KLF12: variants seen among roughly 807,000 people sequenced by gnomAD.
KLF12 encodes Krueppel-like factor 12.
In KLF12, 9 loss-of-function variants were observed where a neutral mutation model predicts 37.8. The observed-to-expected ratio is 0.24, with a 90% CI of 0.14 to 0.42. KLF12 has a LOEUF of 0.42. KLF12 is among the 10% of genes least tolerant of loss of function. KLF12 has a pLI of 1.00. For missense variants in KLF12, 411 were observed against 516.0 expected, an observed-to-expected ratio of 0.80 and a Z score of 1.97; for synonymous variants, 208 against 202.1, an observed-to-expected ratio of 1.03 and a Z score of -0.25.
At chr13:73,777,665 G>A (rs376431240) in intron 5 of KLF12, among the ~76,000 whole-genome samples, 11 of 150,936 alleles carry the variant, frequency 7.3e-5, no homozygotes, top group South Asian at 2.1e-4. Flanking sequence ...CCAAGATTGC[G>A]CCATTGCACT....
At position 73,852,805 on chromosome 13, in the gene KLF12, T is replaced by C. The variant is rs117605023; in HGVS notation, c.124-6432A>G. Among the ~76,000 whole-genome samples, 38 of 151,786 alleles carry C rather than the reference T, an allele frequency of 2.5e-4. No homozygotes were observed. In the East Asian group the frequency reaches 7.4e-3, roughly 29 times the overall value. On this transcript the variant is annotated intron_variant, in intron 3 of 7. Transcript: ENST00000377669. ...GCAAAACAAAACAAAACAGAAATGA[T>C]TGATTCCTTAAGAAAATTTGAAGTC...
At chr13:73,749,559 A>G (rs1166616048) in intron 6 of KLF12, among the ~76,000 whole-genome samples, 3 of 152,200 alleles carry the variant, frequency 2.0e-5, no homozygotes, top group Admixed American at 2.0e-4. Flanking sequence ...AAGGAAATAT[A>G]AAAGGGTAAG....
At chr13:74,281,080 G>C in the KLF12 span, among the ~76,000 whole-genome samples, 1 of 151,636 alleles carries the variant, frequency 6.6e-6, no homozygotes. Context: ...ATACTTTGTT[G>C]TATTTTATTT....
rs961871064 is a variant in KLF12 at position 73,950,147 on chromosome 13, T to C, written c.34-6077A>G. Among the ~76,000 whole-genome samples, 8 of 152,194 alleles carry C rather than the reference T, an allele frequency of 5.3e-5. No individual in the cohort carries two copies. In the South Asian group the frequency reaches 6.2e-4, roughly 12 times the overall value. ...ATTATCAGTCTGTTTCCTATGTTGG[T>C]AAAGTGCCAAGCTATCACAACAATG... On this transcript the variant is annotated intron_variant, in intron 2 of 7. Coordinates refer to ENST00000377669, the MANE Select transcript of KLF12 (RefSeq NM_007249.5).
the KLF12 span, among the ~76,000 whole-genome samples, chr13:74,242,851 T>A: frequency 6.6e-6 from 1 of 152,178 alleles, no homozygotes; most frequent in Admixed American, 6.5e-5. Flanking sequence ...GAGCCACGTG[T>A]ACATAGAATT....
chr13:74,143,480 A>G, the KLF12 span, among the ~76,000 whole-genome samples: 1 of 152,182 alleles, frequency 6.6e-6, no homozygotes. Flanking sequence ...AGCATTTACT[A>G]TGTGCCACAC....
intron 6 of KLF12, among the ~76,000 whole-genome samples, chr13:73,719,027 A>G (rs1876027982): frequency 6.6e-6 from 1 of 152,246 alleles, no homozygotes; most frequent in Admixed American, 6.5e-5. Context: ...CTTTCAAATG[A>G]CATTCAATGG....
At chr13:73,926,971 A>T (rs1889417237) in intron 3 of KLF12, among the ~76,000 whole-genome samples, 1 of 152,042 alleles carries the variant, frequency 6.6e-6, no homozygotes, top group Admixed American at 6.6e-5. Flanking sequence ...TATCCCATGA[A>T]TTCTTCCCAA....
At chr13:74,285,847 T>C in the KLF12 span, among the ~76,000 whole-genome samples, 1 of 152,050 alleles carries the variant, frequency 6.6e-6, no homozygotes, top group Non-Finnish European at 1.5e-5. Context: ...CTAAAAGAGG[T>C]ATAAGCATTT....
At chr13:73,790,575 G>A (rs1033541658) in intron 5 of KLF12, among the ~76,000 whole-genome samples, 7 of 152,194 alleles carry the variant, frequency 4.6e-5, no homozygotes, top group African/African-American at 1.7e-4. Context: ...ATAAAGTTAT[G>A]CATATAATTT....
chr13:74,099,985 A>G (rs765903801), intron 1 of KLF12, among the ~76,000 whole-genome samples: 8 of 152,066 alleles, frequency 5.3e-5, no homozygotes, highest in Non-Finnish European at 1.2e-4. Context: ...GCTGATGGGA[A>G]AGAAGGGCAC....
chr13:73,738,092 CATATATATATATATATATAT>C (rs778759106), intron 6 of KLF12, among the ~76,000 whole-genome samples: 13 of 116,694 alleles, frequency 1.1e-4, no homozygotes, highest in Admixed American at 3.8e-4. Flanking sequence ...TGTATGTGTA[CATATATATATATATATATAT>C]ATATATATAT....
At chr13:73,879,485 A>G (rs1454414868) in intron 3 of KLF12, among the ~76,000 whole-genome samples, 1 of 152,254 alleles carries the variant, frequency 6.6e-6, no homozygotes. Context: ...TAACTCTAAG[A>G]AAAGTTAGAC....
upstream of KLF12, among the ~76,000 whole-genome samples, chr13:74,135,891 C>G (rs948801608): frequency 2.6e-5 from 4 of 152,204 alleles, no homozygotes; most frequent in Admixed American, 6.5e-5. Flanking sequence ...GCCAGCTGGG[C>G]TCCCCATCGG....
At chr13:74,007,368 C>T (rs113319799) in intron 1 of KLF12, among the ~76,000 whole-genome samples, 21 of 151,914 alleles carry the variant, frequency 1.4e-4, no homozygotes, top group Non-Finnish European at 7.4e-5. Context: ...CTCCATCCCC[C>T]CCGGGTTCAC....
chr13:73,998,966 T>C (rs1376389614), intron 1 of KLF12, among the ~76,000 whole-genome samples: 2 of 152,206 alleles, frequency 1.3e-5, no homozygotes, highest in African/African-American at 4.8e-5. Flanking sequence ...CTTCTGAACT[T>C]GTACAGCATG....
chr13:73,702,055 T>A (rs1489801295), intron 7 of KLF12, among the ~76,000 whole-genome samples: 2 of 152,168 alleles, frequency 1.3e-5, no homozygotes, highest in African/African-American at 2.4e-5. Flanking sequence ...GGTGTGGTTG[T>A]TATTGTTCAT....
chr13:73,760,225 C>A (rs921019080), intron 6 of KLF12, among the ~76,000 whole-genome samples: 4 of 152,106 alleles, frequency 2.6e-5, no homozygotes, highest in Non-Finnish European at 5.9e-5. Context: ...ATCTTAGGCA[C>A]ATTAGTAATA....
At chr13:74,259,736 T>G in the KLF12 span, 60,667 of 151,916 alleles carry the variant, frequency 0.4, 15,736 homozygotes, top group African/African-American at 0.74. Context: ...AGTAACTCAA[T>G]CGAGCCTTTT....
Sources: allele counts gnomAD v4.1 joint callset (sites outside exome capture counted in the v4.1 genomes callset), GRCh38; gene constraint gnomAD v4.1.1; transcripts MANE v1.5; gene names NCBI Gene and HGNC (gene_info 2026-07-23, HGNC 2026-07-21).